The following SMCO1 variants were observed in gnomAD, a reference collection of about 807,000 sequenced individuals.
The protein encoded by SMCO1 is single-pass membrane and coiled-coil domain-containing protein 1.
A neutral mutation model predicts 7.5 loss-of-function variants in SMCO1; 9 were observed. The observed-to-expected ratio is 1.20, with a 90% CI of 0.72 to 2.09. The LOEUF (loss-of-function observed/expected upper bound fraction) is 2.09, where lower values mean the gene tolerates loss of function less well. Among genes scored for constraint, SMCO1 ranks in the 30% most tolerant of loss-of-function variants. The probability of loss-of-function intolerance (pLI) is 0.00; values close to 1 mark genes in which losing one functional copy is unlikely to be tolerated. For synonymous variants in SMCO1, 90 were observed against 93.8 expected, an observed-to-expected ratio of 0.96 and a Z score of 0.23; for missense variants, 219 against 253.1, an observed-to-expected ratio of 0.87 and a Z score of 0.91.
At chr3:196,508,391 A>C in intron 2 of SMCO1, 60 bp from the exon 3 acceptor site, 1 of 1,433,266 alleles carries the variant, frequency 7.0e-7, no homozygotes, top group South Asian at 1.4e-5. Context: ...GAAACAGAAA[A>C]TGAATTCTTT....
intron 1 of SMCO1, among the ~76,000 whole-genome samples, chr3:196,512,348 C>G (rs1733267429): frequency 1.3e-5 from 2 of 152,246 alleles, no homozygotes; most frequent in African/African-American, 4.8e-5. Flanking sequence ...AACACACATG[C>G]TACTTCTCTG....
rs1168671949 is a variant in SMCO1, at chr3:196,507,998, C to G, written c.534G>C (p.Leu178=). 6.2e-7 allele frequency: 1 copy of G among 1,614,182 alleles called. No homozygotes were observed. Among genetic ancestry groups the G allele is most frequent in the Admixed American group, 1.7e-5 (1 of 60,022 alleles). Reference sequence around the variant, plus strand: ...GCACAGCCCTCAGCAAACTGTCCTGCAGAGCCTGGTTCTTTACCATGTTAG... The same window carrying G: ...GCACAGCCCTCAGCAAACTGTCCTGGAGAGCCTGGTTCTTTACCATGTTAG... The part of the protein sequence containing the change: ...LITNMVKNQA[L]QDSLLRAVQV... The change falls in exon 3 of 3, where the codon CTG becomes CTC. Residue 178 remains leucine (L), a synonymous_variant. Coordinates refer to ENST00000397537, the MANE Select transcript of SMCO1 (RefSeq NM_001077657.3).
intron 1 of SMCO1, among the ~76,000 whole-genome samples, chr3:196,513,161 T>G (rs1312914306): frequency 6.6e-6 from 1 of 151,608 alleles, no homozygotes; most frequent in African/African-American, 2.4e-5. Flanking sequence ...AGACCTCATC[T>G]CTACAAAAAA....
At chr3:196,519,294 G>A (rs561588724), upstream of SMCO1, among the ~76,000 whole-genome samples, 1 of 152,192 alleles carries the variant, frequency 6.6e-6, no homozygotes, top group Non-Finnish European at 1.5e-5. Context: ...GAGGTCACTC[G>A]CTACTAGTCC....
the SMCO1 span, among the ~76,000 whole-genome samples, chr3:196,520,460 T>A: frequency 2.0e-5 from 3 of 151,248 alleles, no homozygotes; most frequent in African/African-American, 7.3e-5. Flanking sequence ...CAGAACCCCC[T>A]CCAATCATGC....
At chr3:196,512,813 A>G (rs1733285971) in intron 1 of SMCO1, among the ~76,000 whole-genome samples, 1 of 151,822 alleles carries the variant, frequency 6.6e-6, no homozygotes, top group Admixed American at 6.6e-5. Context: ...CGGCCTAGAG[A>G]TGTATTTTCA....
At chr3:196,520,441 C>T in the SMCO1 span, among the ~76,000 whole-genome samples, 1 of 151,446 alleles carries the variant, frequency 6.6e-6, no homozygotes, top group African/African-American at 2.4e-5. Context: ...CCTTCTAGTC[C>T]CCCTCATCCA....
At chr3:196,510,912 A>G (rs1294255080) in intron 1 of SMCO1, among the ~76,000 whole-genome samples, 1 of 152,248 alleles carries the variant, frequency 6.6e-6, no homozygotes, top group African/African-American at 2.4e-5. Flanking sequence ...TGAGAATGAA[A>G]TGCTGAGTTC....
intron 1 of SMCO1, among the ~76,000 whole-genome samples, chr3:196,510,932 A>G (rs1048250441): frequency 1.3e-5 from 2 of 152,244 alleles, no homozygotes; most frequent in African/African-American, 4.8e-5. Context: ...CTGTAACCCA[A>G]AATGGGGATT....
chr3:196,509,473 C>A, intron 2 of SMCO1, 47 bp downstream of exon 2: 1 of 1,544,938 alleles, frequency 6.5e-7, no homozygotes. Context: ...CCAGTGGAAG[C>A]TCTCACAAAG....
intron 1 of SMCO1, among the ~76,000 whole-genome samples, chr3:196,510,474 C>T (rs953704737): frequency 1.4e-4 from 21 of 152,036 alleles, no homozygotes; most frequent in African/African-American, 5.1e-4. Flanking sequence ...GGCCTTCACC[C>T]TTTGCTCCTA....
At chr3:196,516,126 A>G (rs1733386484), upstream of SMCO1, among the ~76,000 whole-genome samples, 1 of 145,054 alleles carries the variant, frequency 6.9e-6, no homozygotes, top group South Asian at 2.1e-4. Context: ...TATATATATT[A>G]GATTAGGAAT....
In SMCO1 at chr3:196,510,047, A is replaced by G. The variant is rs564816571; in HGVS notation, c.51-378T>C. Among the ~76,000 whole-genome samples, 31 of 152,312 alleles carry G rather than the reference A, an allele frequency of 2.0e-4. No homozygotes were observed. The South Asian group carries it at 6.2e-3, about 31-fold the overall frequency. On this transcript the variant is annotated intron_variant, in intron 1 of 2. Transcript: ENST00000397537. ...ACCCAAACCGGAGTGCAGTGGCACA[A>G]TCACTACCTCCCAGGCTCAAGTGAT...
intron 1 of SMCO1, 99 bp downstream of exon 1, chr3:196,515,061 C>T: frequency 7.2e-7 from 1 of 1,380,842 alleles, no homozygotes; most frequent in South Asian, 1.2e-5. Context: ...TTCTAATGAG[C>T]ATGTCTGCAG....
rs1553865025 is a variant in SMCO1, at chr3:196,509,652, T to C, written c.68A>G (p.Gln23Arg). 1.2e-6 allele frequency: 2 copies of C among 1,614,118 alleles called. No homozygotes were observed. Among genetic ancestry groups the C allele is most frequent in the South Asian group, 2.2e-5 (2 of 91,086 alleles). The change falls in exon 2 of 3, where the codon CAA becomes CGA. Residue 23 changes from glutamine to arginine, a missense_variant. Coordinates refer to ENST00000397537, the MANE Select transcript of SMCO1 (RefSeq NM_001077657.3). ...TTCTTTGAACTGTGTTTCTAACGCTTGGAGTTTGTGGTCTACTCTGTAGGA... is the reference window on the plus strand; with the variant it reads ...TTCTTTGAACTGTGTTTCTAACGCTCGGAGTTTGTGGTCTACTCTGTAGGA... ...EAMKRVDHKL[Q>R]ALETQFKELD...
chr3:196,512,010 C>G (rs1489178334), intron 1 of SMCO1, among the ~76,000 whole-genome samples: 2 of 143,996 alleles, frequency 1.4e-5, no homozygotes, highest in Non-Finnish European at 3.0e-5. Context: ...CCTCGGCCAC[C>G]TACATTGTCC....
intron 1 of SMCO1, among the ~76,000 whole-genome samples, chr3:196,514,047 A>C (rs1733320275): frequency 6.6e-6 from 1 of 152,166 alleles, no homozygotes; most frequent in Non-Finnish European, 1.5e-5. Flanking sequence ...CTAGGACCCA[A>C]GATTACCGTA....
chr3:196,508,250 CT>C lies in SMCO1; in HGVS notation c.281del (p.Lys94SerfsTer6). 1 of 1,614,156 alleles carries C rather than the reference CT, an allele frequency of 6.2e-7. No individual in the cohort carries two copies. Among genetic ancestry groups the C allele is most frequent in the Non-Finnish European group, 8.5e-7 (1 of 1,180,022 alleles). The part of the protein sequence containing the change: ...LICLHTRVLE[K>X]LPDLVRGLPT... ...GAAGACCTCTCACCAGGTCTGGCAG[CT>C]TCTCAAGCACACGAGTATGCAAGCA... On this transcript the variant is annotated frameshift_variant, in exon 3 of 3. Coordinates refer to ENST00000397537, the MANE Select transcript of SMCO1 (RefSeq NM_001077657.3). LOFTEE classifies it low-confidence loss of function (END_TRUNC).
intron 1 of SMCO1, 190 bp downstream of exon 1, chr3:196,514,970 G>C (rs1733347411): frequency 3.1e-6 from 2 of 644,958 alleles, no homozygotes; most frequent in Admixed American, 4.8e-5. Context: ...TCAATCTCTT[G>C]ACCCTGTGAT....
Sources: allele counts gnomAD v4.1 joint callset (sites outside exome capture counted in the v4.1 genomes callset), GRCh38; gene constraint gnomAD v4.1.1; transcripts MANE v1.5; gene names NCBI Gene and HGNC (gene_info 2026-07-23, HGNC 2026-07-21).